Variants in NBEA observed in about 807,000 individuals in gnomAD.
NBEA encodes neurobeachin, also known as lysosomal-trafficking regulator 2.
Under a neutral mutation model 343.4 loss-of-function variants are expected in NBEA, and 44 were observed. The ratio of observed to expected loss-of-function variants is 0.13; its 90% CI spans 0.10 to 0.16. The LOEUF is 0.16. NBEA is among the 10% of genes least tolerant of loss of function. The probability of loss-of-function intolerance (pLI) is 1.00; values close to 1 mark genes in which losing one functional copy is unlikely to be tolerated. For missense variants in NBEA, 2,555 were observed against 3,631.3 expected, an observed-to-expected ratio of 0.70 and a Z score of 7.62; for synonymous variants, 1,175 against 1,238.7, an observed-to-expected ratio of 0.95 and a Z score of 1.08.
chr13:35,667,252 C>T, intron 56 of NBEA, 122 bp from the exon 57 acceptor site: 1 of 780,354 alleles, frequency 1.3e-6, no homozygotes, highest in East Asian at 2.5e-5. Flanking sequence ...GCCAGCCTAC[C>T]TCTTTCCTGT....
chr13:35,665,201 C>G lies in NBEA; in HGVS notation c.8464+15C>G, dbSNP rs376037940. ...TGGTGCTAAAGGTCAGAAGTCATTTCTTTCATTTTCAATGTCTAGAAGATG... is the reference window on the plus strand; with the variant it reads ...TGGTGCTAAAGGTCAGAAGTCATTTGTTTCATTTTCAATGTCTAGAAGATG... On this transcript the variant is annotated intron_variant, in intron 56 of 58. Coordinates refer to ENST00000379939, the MANE Select transcript of NBEA (RefSeq NM_001385012.1). The G allele has an allele frequency of 6.4e-7, 1 of 1,554,610 alleles. No homozygotes were observed. Among genetic ancestry groups the G allele is most frequent in the East Asian group, 2.3e-5 (1 of 43,078 alleles).
At chr13:35,352,378 G>T in intron 38 of NBEA, 55 bp downstream of exon 38, 2 of 993,154 alleles carry the variant, frequency 2.0e-6, no homozygotes, top group South Asian at 3.7e-5. Flanking sequence ...TATAATAGTT[G>T]GTAATAAAAA....
At chr13:35,098,265 A>C in intron 10 of NBEA, 32 bp from the exon 11 acceptor site, 1 of 1,408,474 alleles carries the variant, frequency 7.1e-7, no homozygotes. Context: ...ACATGTGATG[A>C]TTACATAATG....
chr13:35,304,221 A>AT (rs2036733678), intron 35 of NBEA, among the ~76,000 whole-genome samples: 1 of 152,184 alleles, frequency 6.6e-6, no homozygotes, highest in South Asian at 2.1e-4. Context: ...AACTAAAAAA[A>AT]GAGCAACTCA....
At chr13:35,476,536 T>G (rs2152962181) in intron 41 of NBEA, 1 of 610,794 alleles carries the variant, frequency 1.6e-6, no homozygotes, top group South Asian at 2.0e-5. Context: ...CTTCCAGTAG[T>G]CAAAATAAGC....
intron 38 of NBEA, among the ~76,000 whole-genome samples, chr13:35,407,024 A>G (rs980426943): frequency 2.7e-4 from 40 of 149,682 alleles, no homozygotes; most frequent in African/African-American, 9.6e-4. Context: ...CAGTGGTGCA[A>G]TCTCAGCTCA....
At chr13:35,552,859 A>G (rs1158768116) in intron 43 of NBEA, among the ~76,000 whole-genome samples, 1 of 151,598 alleles carries the variant, frequency 6.6e-6, no homozygotes, top group Non-Finnish European at 1.5e-5. Context: ...CCTTTTAACC[A>G]CATTTGGTCT....
chr13:35,127,697 G>C (rs947728360), intron 17 of NBEA, among the ~76,000 whole-genome samples: 4 of 151,984 alleles, frequency 2.6e-5, no homozygotes, highest in African/African-American at 4.8e-5. Flanking sequence ...TCATAGTAGG[G>C]AAATACCCTT....
rs552582779 is a variant in NBEA, at chr13:35,519,249, A to G, written c.6586-31228A>G. 3.3e-5 allele frequency among the ~76,000 whole-genome samples: 5 copies of G among 152,246 alleles called. No individual in the cohort carries two copies. In the South Asian group the frequency reaches 1.0e-3, roughly 32 times the overall value. ...AAAAATTTTCTGTTGGTTTCACATT[A>G]CCCAAATTTCAAAATTCTAGTCCAC... On this transcript the variant is annotated intron_variant, in intron 41 of 58. Transcript: ENST00000379939.
chr13:35,663,511 A>G (rs2085203752), intron 55 of NBEA, among the ~76,000 whole-genome samples: 1 of 151,728 alleles, frequency 6.6e-6, no homozygotes. Context: ...TTATCTTTTC[A>G]TTATTTGTTG....
chr13:35,670,904 T>C lies in NBEA; in HGVS notation c.8817T>C (p.Thr2939=), dbSNP rs1416759225. The C allele has an allele frequency of 1.3e-6, 2 of 1,591,608 alleles. No individual in the cohort carries two copies. Among genetic ancestry groups the C allele is most frequent in the South Asian group, 2.3e-5 (2 of 87,324 alleles). The change falls in exon 59 of 59, where the codon ACT becomes ACC. Residue 2939 remains threonine (T), a synonymous_variant. Transcript: ENST00000379939. ...ACTGCTGTTTCTGCTTTTCCAGGACTCTGATCACTGGCATGGCTTCTGGTA... is the reference window on the plus strand; with the variant it reads ...ACTGCTGTTTCTGCTTTTCCAGGACCCTGATCACTGGCATGGCTTCTGGTA... ...RAMDLSHDQR[T]LITGMASGSI...
At chr13:35,648,689 G>C (rs1414722457) in intron 51 of NBEA, among the ~76,000 whole-genome samples, 1 of 152,068 alleles carries the variant, frequency 6.6e-6, no homozygotes, top group East Asian at 1.9e-4. Flanking sequence ...GTTATTTCCA[G>C]CCTCCCTACT....
At chr13:35,163,777 T>C (rs2069768043) in intron 23 of NBEA, among the ~76,000 whole-genome samples, 1 of 152,168 alleles carries the variant, frequency 6.6e-6, no homozygotes, top group South Asian at 2.1e-4. Context: ...TTGTACTGAT[T>C]TATTTATACT....
intron 1 of NBEA, among the ~76,000 whole-genome samples, chr13:34,989,059 G>T (rs2060658520): frequency 6.6e-6 from 1 of 150,482 alleles, no homozygotes; most frequent in Admixed American, 6.6e-5. Context: ...TAGTTGATTA[G>T]AATTTCATTA....
chr13:35,515,215 A>G (rs1195512153), intron 41 of NBEA, among the ~76,000 whole-genome samples: 1 of 152,156 alleles, frequency 6.6e-6, no homozygotes, highest in Non-Finnish European at 1.5e-5. Flanking sequence ...GGGAAAGCAA[A>G]AGCAAAGGTA....
chr13:35,044,860 G>T, intron 2 of NBEA, 87 bp from the exon 3 acceptor site: 3 of 811,322 alleles, frequency 3.7e-6, no homozygotes, highest in Non-Finnish European at 5.8e-6. Context: ...AGATAACAAT[G>T]ATAACTTTTT....
chr13:35,531,256 G>A (rs1049723192), intron 41 of NBEA, among the ~76,000 whole-genome samples: 1 of 152,062 alleles, frequency 6.6e-6, no homozygotes, highest in Non-Finnish European at 1.5e-5. Context: ...TAATTAAAAA[G>A]TAGCTATTGA....
At chr13:35,627,702 T>C (rs945710108) in intron 48 of NBEA, among the ~76,000 whole-genome samples, 17 of 152,134 alleles carry the variant, frequency 1.1e-4, no homozygotes, top group African/African-American at 1.2e-4. Context: ...TATTTAAAAA[T>C]GAGAAATGAA....
At chr13:35,505,226 T>C (rs1417467079) in intron 41 of NBEA, among the ~76,000 whole-genome samples, 1 of 152,152 alleles carries the variant, frequency 6.6e-6, no homozygotes, top group African/African-American at 2.4e-5. Flanking sequence ...AAAACTGGCT[T>C]TTTAAAAAAA....
Sources: allele counts gnomAD v4.1 joint callset (sites outside exome capture counted in the v4.1 genomes callset), GRCh38; gene constraint gnomAD v4.1.1; transcripts MANE v1.5; gene names NCBI Gene and HGNC (gene_info 2026-07-23, HGNC 2026-07-21).